The following B3GALT1 variants were observed in gnomAD, a reference collection of about 807,000 sequenced individuals.
B3GALT1 encodes UDP-Gal:betaGlcNAc beta 1,3-galactosyltransferase, polypeptide 1.
Under a neutral mutation model 23.2 loss-of-function variants are expected in B3GALT1, and 10 were observed. That is an observed-to-expected ratio of 0.43 (90% CI 0.27 to 0.73). The LOEUF is 0.73. Ranked by LOEUF, B3GALT1 falls within the 30% of genes least tolerant of loss-of-function variation. B3GALT1 has a pLI of 0.21. For synonymous variants in B3GALT1, 156 were observed against 141.5 expected, an observed-to-expected ratio of 1.10 and a Z score of -0.73; for missense variants, 299 against 405.4, an observed-to-expected ratio of 0.74 and a Z score of 2.25.
chr2:167,713,679 A>T, intron 3 of B3GALT1: 2 of 1,436,778 alleles, frequency 1.4e-6, no homozygotes, highest in South Asian at 1.2e-5. Context: ...GTGGTTCTGG[A>T]TGTTCAGTAG....
chr2:167,424,832 G>A (rs901286333), intron 1 of B3GALT1, among the ~76,000 whole-genome samples: 5 of 152,196 alleles, frequency 3.3e-5, no homozygotes, highest in African/African-American at 1.2e-4. Context: ...ATTTCCAGCA[G>A]CAGACAGACA....
intron 3 of B3GALT1, among the ~76,000 whole-genome samples, chr2:167,660,623 A>G (rs1686043361): frequency 6.6e-6 from 1 of 152,138 alleles, no homozygotes; most frequent in Admixed American, 6.6e-5. Flanking sequence ...AATACAAATC[A>G]TAAGGGTCTG....
At chr2:167,529,625 C>T (rs187918283) in intron 2 of B3GALT1, among the ~76,000 whole-genome samples, 136 of 151,610 alleles carry the variant, frequency 9.0e-4, no homozygotes, top group African/African-American at 3.2e-3. Context: ...GTCCCCATCT[C>T]AGTTGCTAGC....
chr2:167,673,428 C>G (rs1239431968), intron 3 of B3GALT1, among the ~76,000 whole-genome samples: 2 of 152,022 alleles, frequency 1.3e-5, no homozygotes, highest in East Asian at 3.9e-4. Flanking sequence ...GAAAATAGCA[C>G]CAACTCTTTT....
intron 1 of B3GALT1, among the ~76,000 whole-genome samples, chr2:167,432,164 A>C (rs1459907710): frequency 6.6e-6 from 1 of 152,152 alleles, no homozygotes; most frequent in Non-Finnish European, 1.5e-5. Flanking sequence ...GGGGCGCCGG[A>C]TCTGGGGACT....
At chr2:167,662,656 C>G (rs1450731661) in intron 3 of B3GALT1, among the ~76,000 whole-genome samples, 7 of 152,072 alleles carry the variant, frequency 4.6e-5, no homozygotes, top group African/African-American at 1.4e-4. Context: ...TATGTAACTC[C>G]TCTGCTCACA....
At chr2:167,422,044 G>A (rs1018473265) in intron 1 of B3GALT1, among the ~76,000 whole-genome samples, 1 of 151,378 alleles carries the variant, frequency 6.6e-6, no homozygotes, top group Admixed American at 6.6e-5. Flanking sequence ...TAGCTTATGA[G>A]GGTAGAGGAG....
chr2:167,517,826 G>A (rs1042890010), intron 2 of B3GALT1, among the ~76,000 whole-genome samples: 3 of 152,006 alleles, frequency 2.0e-5, no homozygotes, highest in Non-Finnish European at 4.4e-5. Context: ...AGCAACACAG[G>A]TGTTTCCATA....
chr2:167,453,761 T>G (rs1406537574), intron 1 of B3GALT1, among the ~76,000 whole-genome samples: 1 of 152,200 alleles, frequency 6.6e-6, no homozygotes, highest in African/African-American at 2.4e-5. Context: ...TTAAACTCAG[T>G]GGAAATTTAA....
chr2:167,567,481 G>A (rs1684193656), intron 2 of B3GALT1, among the ~76,000 whole-genome samples: 1 of 152,162 alleles, frequency 6.6e-6, no homozygotes, highest in African/African-American at 2.4e-5. Context: ...GATAGTGACA[G>A]TGATGTTTAA....
chr2:167,605,261 G>A (rs1684943559), intron 2 of B3GALT1, among the ~76,000 whole-genome samples: 1 of 152,220 alleles, frequency 6.6e-6, no homozygotes, highest in Non-Finnish European at 1.5e-5. Context: ...TAATTTTGCT[G>A]TGTAACAAAC....
intron 3 of B3GALT1, among the ~76,000 whole-genome samples, chr2:167,673,723 T>A (rs1227632225): frequency 6.6e-6 from 1 of 152,092 alleles, no homozygotes; most frequent in Non-Finnish European, 1.5e-5. Flanking sequence ...ATCCAATTAG[T>A]AATCATAACA....
chr2:167,625,899 A>G (rs1685332282), intron 2 of B3GALT1, among the ~76,000 whole-genome samples: 1 of 142,012 alleles, frequency 7.0e-6, no homozygotes, highest in Non-Finnish European at 1.5e-5. Flanking sequence ...AGGTCATATA[A>G]ATTAGAAACC....
intron 2 of B3GALT1, among the ~76,000 whole-genome samples, chr2:167,641,959 C>T (rs1249183437): frequency 1.3e-5 from 2 of 152,190 alleles, no homozygotes; most frequent in Admixed American, 6.5e-5. Context: ...ATTGGAACTC[C>T]TAGTTTCCCT....
intron 1 of B3GALT1, among the ~76,000 whole-genome samples, chr2:167,296,028 A>G (rs758112262): frequency 6.6e-6 from 1 of 152,212 alleles, no homozygotes; most frequent in African/African-American, 2.4e-5. Context: ...AAGCAGTTCA[A>G]ATTGTACCAT....
At chr2:167,456,396 A>G (rs1359729719) in intron 1 of B3GALT1, among the ~76,000 whole-genome samples, 1 of 152,238 alleles carries the variant, frequency 6.6e-6, no homozygotes, top group Non-Finnish European at 1.5e-5. Context: ...ATTGGGGATC[A>G]CATTTAAACA....
intron 2 of B3GALT1, among the ~76,000 whole-genome samples, chr2:167,494,064 C>G (rs1401649461): frequency 6.6e-6 from 1 of 151,972 alleles, no homozygotes; most frequent in African/African-American, 2.4e-5. Flanking sequence ...AGTATGCCAA[C>G]AAGATTGAGT....
intron 2 of B3GALT1, among the ~76,000 whole-genome samples, chr2:167,592,273 G>A (rs756809867): frequency 5.9e-5 from 9 of 152,130 alleles, no homozygotes; most frequent in Non-Finnish European, 1.0e-4. Context: ...CAGTCACTGC[G>A]GACTCTCTGC....
At chr2:167,662,309 T>G (rs1417290727) in intron 3 of B3GALT1, among the ~76,000 whole-genome samples, 2 of 152,262 alleles carry the variant, frequency 1.3e-5, no homozygotes, top group East Asian at 3.9e-4. Context: ...TGATTGATTG[T>G]GGTTTCTCAT....
Sources: gnomAD v4.1 joint callset for allele counts (sites outside exome capture counted in the v4.1 genomes callset) on GRCh38, gnomAD v4.1.1 for gene constraint, MANE v1.5 for transcripts, NCBI Gene and HGNC (gene_info 2026-07-23, HGNC 2026-07-21) for gene names.